The following AGRN variants were observed in gnomAD, a reference collection of about 807,000 sequenced individuals.
The protein encoded by AGRN is agrin proteoglycan.
AGRN carries 106 observed loss-of-function variants against 211.0 expected under a neutral mutation model. The observed-to-expected ratio is 0.50, with a 90% CI of 0.43 to 0.59. AGRN has a LOEUF of 0.59. Ranked by LOEUF, AGRN falls within the 20% of genes least tolerant of loss-of-function variation. AGRN has a pLI of 0.00. For synonymous variants in AGRN, 1,525 were observed against 1,332.5 expected (o/e 1.14, Z -3.15); for missense variants, 3,040 against 2,982.6 (o/e 1.02, Z -0.45).
intron 2 of AGRN, among the ~76,000 whole-genome samples, chr1:1,024,476 A>T (rs1485601039): frequency 2.6e-5 from 4 of 152,058 alleles, no homozygotes; most frequent in Non-Finnish European, 4.4e-5. Context: ...CCCACCTCCC[A>T]GGGCACAGGA....
intron 33 of AGRN, chr1:1,052,330 A>T (rs1011087576): frequency 2.9e-6 from 1 of 347,976 alleles, no homozygotes. Context: ...GTGCGTGTCT[A>T]TGTATATGGA....
Position 1,054,948 on chromosome 1 carries a change from C to T in AGRN, c.6105C>T (p.Thr2035=), listed in dbSNP as rs1645413807. ...HPLHLLEDAV[T]KPELRPCPTP ...TGCACCTGCTGGAGGACGCCGTCAC[C>T]AAGCCAGAGCTGCGGCCCTGCCCCA... The change falls in exon 36 of 36, where the codon ACC becomes ACT. Residue 2035 remains threonine (T), a synonymous_variant. Coordinates refer to ENST00000379370, the MANE Select transcript of AGRN (RefSeq NM_198576.4). 1 of 1,549,030 alleles carries T rather than the reference C, an allele frequency of 6.5e-7. No homozygotes were observed. The highest frequency in any genetic ancestry group is 1.4e-5 in the African/African-American group (1 of 73,034).
rs1645012129 is a variant in AGRN at position 1,043,736 on chromosome 1, A to G, written c.1798+4A>G. 6.2e-7 allele frequency: 1 copy of G among 1,601,228 alleles called. No individual in the cohort carries two copies. Among genetic ancestry groups the G allele is most frequent in the African/African-American group, 1.3e-5 (1 of 74,860 alleles). On this transcript the variant is annotated splice_donor_region_variant and intron_variant, in intron 9 of 35. Coordinates refer to ENST00000379370, the MANE Select transcript of AGRN (RefSeq NM_198576.4). Reference sequence around the variant, plus strand: ...GTGGCCTCAGCTGGACCCTGTGGTGAGTGAGGCCCTGGGGCCGGGCGGGCC... The same window carrying G: ...GTGGCCTCAGCTGGACCCTGTGGTGGGTGAGGCCCTGGGGCCGGGCGGGCC...
At position 1,049,645 on chromosome 1, in the gene AGRN, C is replaced by G. The variant is rs2100677958; in HGVS notation, c.4594C>G (p.Leu1532Val). The G allele has an allele frequency of 1.3e-6, 2 of 1,586,216 alleles. No individual in the cohort carries two copies. The highest frequency in any genetic ancestry group is 4.6e-5 in the East Asian group (2 of 43,616). The change falls in exon 26 of 36, where the codon CTT becomes GTT. Residue 1532 changes from leucine (L) to valine (V), a missense_variant. Around this residue, in one of 3 missense-constraint regions of AGRN, gnomAD observed 1,537 missense variants for 1,505.0 expected, o/e 1.02. Transcript: ENST00000379370. ...GGACGTCAACAACCAGCGCCTGGAG[C>G]TTGGCATTGGGCCGGGGGCTGCCAC... The part of the protein sequence containing the change: ...LLDVNNQRLE[L>V]GIGPGAATRG...
intron 1 of AGRN, 48 bp downstream of exon 1, chr1:1,020,421 G>T: frequency 6.8e-7 from 1 of 1,471,244 alleles, no homozygotes; most frequent in South Asian, 1.3e-5. Flanking sequence ...CTGCCGCCCC[G>T]CCGGGACCCC....
In AGRN at chr1:1,032,793, G is replaced by A. The variant is rs1273709070; in HGVS notation, c.464-2484G>A. Among the ~76,000 whole-genome samples, 3 of 152,184 alleles carry A rather than the reference G, an allele frequency of 2.0e-5. No homozygotes were observed. Among genetic ancestry groups the A allele is most frequent in the African/African-American group, 4.8e-5 (2 of 41,430 alleles). The stretch of plus-strand genomic sequence containing the variant: ...AGAGGGCAGGGTAATGGGTGCGCAG[G>A]GGTCCCTTCCAAAGGCTGCGGGTGG... On this transcript the variant is annotated intron_variant, in intron 2 of 35. Transcript: ENST00000379370. This position sits in a 1 kb window ranked among gnomAD's most constrained non-coding sequence, Gnocchi z 4.7.
rs1018327424 is a variant in AGRN, at chr1:1,050,118, A to G, written c.4879+81A>G. The G allele has an allele frequency of 2.3e-5, 36 of 1,582,344 alleles. No individual in the cohort carries two copies. The African/African-American group carries it at 3.3e-4, about 14-fold the overall frequency. Reference sequence around the variant, plus strand: ...GGGTACAGGTTCCAGGTAGCATTGCAGTTAGGATGCGGCTCAGTCTAGTCT... The same window carrying G: ...GGGTACAGGTTCCAGGTAGCATTGCGGTTAGGATGCGGCTCAGTCTAGTCT... On this transcript the variant is annotated intron_variant, in intron 27 of 35. Coordinates refer to ENST00000379370, the MANE Select transcript of AGRN (RefSeq NM_198576.4).
At chr1:1,030,124 A>C (rs867295662) in intron 2 of AGRN, among the ~76,000 whole-genome samples, 16 of 56,988 alleles carry the variant, frequency 2.8e-4, no homozygotes, top group African/African-American at 1.1e-3. Context: ...TGTGCAGTGC[A>C]TGGTGCTGTG....
intron 28 of AGRN, 43 bp from the exon 29 acceptor site, chr1:1,050,384 G>A (rs368524849): frequency 2.5e-6 from 4 of 1,612,808 alleles, no homozygotes; most frequent in Non-Finnish European, 3.4e-6. Context: ...TCTCTCCTGT[G>A]GGGAGGGGAC....
rs1022516852 is a variant in AGRN, at chr1:1,041,859, C to T, written c.1178-97C>T. On this transcript the variant is annotated intron_variant, in intron 6 of 35. Transcript: ENST00000379370. ...CAGGGTCGAGGTGGGCGGCTCCCCT[C>T]TGGGAGGGCCGCCTGCTCCCCTGCT... The T allele has an allele frequency of 2.9e-5, 46 of 1,561,886 alleles. 1 individual carries two copies. In the Middle Eastern group the frequency reaches 1.8e-3, roughly 62 times the overall value.
In AGRN at chr1:1,044,144, G is replaced by T. The variant is rs756595253; in HGVS notation, c.2035G>T (p.Asp679Tyr). 6.2e-7 allele frequency: 1 copy of T among 1,613,294 alleles called. No homozygotes were observed. The highest frequency in any genetic ancestry group is 8.5e-7 in the Non-Finnish European group (1 of 1,179,944). The change falls in exon 11 of 36, where the codon GAC becomes TAC. Residue 679 changes from aspartate (D) to tyrosine (Y), a missense_variant. Asp to Tyr is a radical substitution (Grantham distance 160). Coordinates refer to ENST00000379370, the MANE Select transcript of AGRN (RefSeq NM_198576.4). ...TTCCGGAGGCTCTGGCTCTGGGGAGGACGGTGACTGTGAGCAGGAGCTGTG... is the reference window on the plus strand; with the variant it reads ...TTCCGGAGGCTCTGGCTCTGGGGAGTACGGTGACTGTGAGCAGGAGCTGTG... ...CGSGGSGSGE[D>Y]GDCEQELCRQ...
rs748067121 is a variant in AGRN, at chr1:1,046,707, C to G, written c.3222C>G (p.Asp1074Glu). ...DGSSDEELSG[D>E]QEASGGGSGG... ...GCAGCGATGAGGAACTGAGCGGGGA[C>G]CAGGAGGCCAGTGGGGGTGGCTCTG... The change falls in exon 18 of 36, where the codon GAC becomes GAG. Residue 1074 changes from aspartate to glutamate, a missense_variant. Asp to Glu is a conservative substitution (Grantham distance 45). This residue lies in a region of AGRN where 1,537 missense variants were observed against 1,505.0 expected (regional missense o/e 1.02). Transcript: ENST00000379370. 2.4e-5 allele frequency: 38 copies of G among 1,581,572 alleles called. No individual in the cohort carries two copies. The highest frequency in any genetic ancestry group is 3.2e-5 in the Non-Finnish European group (38 of 1,169,430).
chr1:1,035,689 C>T (rs572734000), intron 3 of AGRN, among the ~76,000 whole-genome samples: 8 of 152,266 alleles, frequency 5.3e-5, no homozygotes, highest in Admixed American at 2.0e-4. Flanking sequence ...CCCTGTTCAG[C>T]AAGGGGTGGG....
At position 1,050,302 on chromosome 1, in the gene AGRN, G is replaced by A. The variant is rs1224140155; in HGVS notation, c.4949G>A (p.Gly1650Asp). 3.1e-6 allele frequency: 5 copies of A among 1,613,028 alleles called. No individual in the cohort carries two copies. The highest frequency in any genetic ancestry group is 4.2e-6 in the Non-Finnish European group (5 of 1,179,924). Residue 1650 changes from glycine to aspartate, a missense_variant, in exon 28 of 36, where the codon GGC becomes GAC. This residue lies in a region of AGRN where 1,537 missense variants were observed against 1,505.0 expected (regional missense o/e 1.02). Coordinates refer to ENST00000379370, the MANE Select transcript of AGRN (RefSeq NM_198576.4). ...FNGFSHLELR[G>D]LHTFARDLGE... ...GGCTTCTCCCACCTGGAGCTGAGAGGCCTGCACACCTTTGCACGGGACCTG... is the reference window on the plus strand; with the variant it reads ...GGCTTCTCCCACCTGGAGCTGAGAGACCTGCACACCTTTGCACGGGACCTG...
At chr1:1,046,798 G>GGCTCAGA in intron 18 of AGRN, 22 bp from the exon 19 acceptor site, 1 of 1,575,824 alleles carries the variant, frequency 6.3e-7, no homozygotes, top group Non-Finnish European at 8.6e-7. Flanking sequence ...CCAGAGCCTG[G>GGCTCAGA]GCTCAGAGCG....
Position 1,032,986 on chromosome 1 carries a change from A to C in AGRN, c.464-2291A>C, listed in dbSNP as rs956123486. On this transcript the variant is annotated intron_variant, in intron 2 of 35. Transcript: ENST00000379370. The surrounding 1 kb of genome is among the most constrained non-coding windows in gnomAD (Gnocchi z 4.7). ...CAGCGGCCAGGGAGAGGGGCGACCT[A>C]CGGGGGCGGGTGTGGGGACGCCGGA... Among the ~76,000 whole-genome samples the C allele has an allele frequency of 6.6e-6, 1 of 151,914 alleles. No individual in the cohort carries two copies. Among genetic ancestry groups the C allele is most frequent in the Non-Finnish European group, 1.5e-5 (1 of 67,942 alleles).
intron 2 of AGRN, among the ~76,000 whole-genome samples, chr1:1,024,899 C>A (rs1644486478): frequency 6.6e-6 from 1 of 152,218 alleles, no homozygotes; most frequent in Non-Finnish European, 1.5e-5. Context: ...GGAAGGAGAC[C>A]CCCGCCCCTG....
In AGRN at chr1:1,049,649, G is replaced by A; in HGVS notation, c.4598G>A (p.Gly1533Asp). 2 of 1,584,250 alleles carry A rather than the reference G, an allele frequency of 1.3e-6. No homozygotes were observed. Among genetic ancestry groups the A allele is most frequent in the Non-Finnish European group, 1.7e-6 (2 of 1,166,296 alleles). Residue 1533 changes from glycine to aspartate, a missense_variant, in exon 26 of 36, where the codon GGC (glycine) becomes GAC (aspartate). Around this residue, in one of 3 missense-constraint regions of AGRN, gnomAD observed 1,537 missense variants for 1,505.0 expected, o/e 1.02. Coordinates refer to ENST00000379370, the MANE Select transcript of AGRN (RefSeq NM_198576.4). ...LDVNNQRLEL[G>D]IGPGAATRGS... ...GTCAACAACCAGCGCCTGGAGCTTG[G>A]CATTGGGCCGGGGGCTGCCACCCGA...
rs116366767 is a variant in AGRN, at chr1:1,045,316, C to T, written c.2371+39C>T. On this transcript the variant is annotated intron_variant, in intron 13 of 35. Coordinates refer to ENST00000379370, the MANE Select transcript of AGRN (RefSeq NM_198576.4). ...CTCAGCCCCGACCCCGGGCCTGGTG[C>T]GGCTGTGCGGCCACGTGACCTTGTC... 6.1e-4 allele frequency: 984 copies of T among 1,612,002 alleles called. 4 individuals carry two copies. The African/African-American group carries it at 0.012, about 20-fold the overall frequency.
Sources: gnomAD v4.1 joint callset for allele counts (sites outside exome capture counted in the v4.1 genomes callset) on GRCh38, gnomAD v4.1.1 for gene constraint, gnomAD v4.1.1 regional missense constraint, Gnocchi (gnomAD v3.1) non-coding constraint, MANE v1.5 for transcripts, NCBI Gene and HGNC (gene_info 2026-07-23, HGNC 2026-07-21) for gene names.